The following NSUN6 variants were observed in gnomAD, a reference collection of about 807,000 sequenced individuals.
NSUN6 encodes the protein tRNA (cytosine(72)-C(5))-methyltransferase NSUN6.
Under a neutral mutation model 58.0 loss-of-function variants are expected in NSUN6, and 64 were observed. The observed-to-expected ratio is 1.10, with a 90% CI of 0.90 to 1.36. NSUN6 has a LOEUF of 1.36. Ranked by LOEUF, NSUN6 falls within the 40% of genes most tolerant of loss-of-function variation. NSUN6 has a pLI of 0.00. For synonymous variants in NSUN6, 231 were observed against 193.9 expected (o/e 1.19, Z -1.59); for missense variants, 701 against 550.1 (o/e 1.27, Z -2.74).
chr10:18,553,469 C>CTGGAATGGAGAATGGAA, intron 8 of NSUN6, among the ~76,000 whole-genome samples: 1 of 133,744 alleles, frequency 7.5e-6, no homozygotes, highest in African/African-American at 2.9e-5. Flanking sequence ...GGAGAATGAA[C>CTGGAATGGAGAATGGAA]TGGAATGGAG....
chr10:18,621,250 G>A (rs2058596044), intron 3 of NSUN6, among the ~76,000 whole-genome samples: 1 of 152,148 alleles, frequency 6.6e-6, no homozygotes, highest in African/African-American at 2.4e-5. Flanking sequence ...CAGCACTGGG[G>A]GACTTCCTGT....
intron 8 of NSUN6, among the ~76,000 whole-genome samples, chr10:18,575,274 A>G (rs1174002519): frequency 6.6e-6 from 1 of 152,200 alleles, no homozygotes; most frequent in East Asian, 1.9e-4. Context: ...AAGAAACTAT[A>G]AAAAGATTAC....
rs528646657 is a variant in NSUN6, at chr10:18,555,839, G to C, written c.923-3868C>G. On this transcript the variant is annotated intron_variant, in intron 8 of 10. Coordinates refer to ENST00000377304, the MANE Select transcript of NSUN6 (RefSeq NM_182543.5). The stretch of plus-strand genomic sequence containing the variant: ...ATGGAAAGTGGAATGAAATGGAATG[G>C]AGAAAAATGGAATGGAGAATGGAAT... Among the ~76,000 whole-genome samples the C allele has an allele frequency of 2.0e-5, 3 of 150,666 alleles. No homozygotes were observed. In the South Asian group the frequency reaches 6.3e-4, roughly 32 times the overall value.
intron 6 of NSUN6, among the ~76,000 whole-genome samples, chr10:18,598,313 C>T (rs1472182221): frequency 1.3e-5 from 2 of 152,228 alleles, no homozygotes; most frequent in African/African-American, 4.8e-5. Context: ...ACTCAGCCCG[C>T]CTGCACCCAG....
rs116001489 is a variant in NSUN6 at position 18,619,430 on chromosome 10, A to T, written c.312-3137T>A. Among the ~76,000 whole-genome samples the T allele has an allele frequency of 3.3e-3, 504 of 152,344 alleles. 4 individuals carry two copies. The highest frequency in any genetic ancestry group is 0.011 in the African/African-American group (478 of 41,586). On this transcript the variant is annotated intron_variant, in intron 3 of 10. Transcript: ENST00000377304. ...TGACTACTGGGTATTTCTCACCCTTACTATTAACACTTAATTGTTTAAACC... is the reference window on the plus strand; with the variant it reads ...TGACTACTGGGTATTTCTCACCCTTTCTATTAACACTTAATTGTTTAAACC...
chr10:18,574,850 G>T (rs2056570006), intron 8 of NSUN6, among the ~76,000 whole-genome samples: 2 of 152,110 alleles, frequency 1.3e-5, no homozygotes, highest in Non-Finnish European at 2.9e-5. Context: ...GTTGCCAGAG[G>T]AAACAACTAT....
intron 8 of NSUN6, among the ~76,000 whole-genome samples, chr10:18,562,770 T>C (rs1290618396): frequency 1.4e-5 from 2 of 145,932 alleles, no homozygotes. Flanking sequence ...GACAATGGAA[T>C]GGAATGGATA....
chr10:18,574,893 C>T (rs2056572547), intron 8 of NSUN6, among the ~76,000 whole-genome samples: 1 of 152,096 alleles, frequency 6.6e-6, no homozygotes, highest in Admixed American at 6.6e-5. Context: ...AAAAGCCTTT[C>T]TTTTGAAAGT....
intron 6 of NSUN6, among the ~76,000 whole-genome samples, chr10:18,601,980 A>G (rs1022097259): frequency 6.6e-5 from 10 of 151,112 alleles, no homozygotes; most frequent in African/African-American, 2.4e-4. Flanking sequence ...CTCGGGGGAA[A>G]AAAAAAGGGA....
chr10:18,615,475 A>C (rs2058377405), intron 4 of NSUN6, among the ~76,000 whole-genome samples: 1 of 152,204 alleles, frequency 6.6e-6, no homozygotes, highest in Non-Finnish European at 1.5e-5. Flanking sequence ...TAGCCACATA[A>C]GTTCTCTGTG....
chr10:18,586,799 C>G (rs900844512), intron 7 of NSUN6, among the ~76,000 whole-genome samples: 3 of 152,180 alleles, frequency 2.0e-5, no homozygotes, highest in Non-Finnish European at 4.4e-5. Flanking sequence ...CTCTGGTGGC[C>G]AGCTTTTATT....
chr10:18,624,568 G>A (rs1360471609), intron 3 of NSUN6, among the ~76,000 whole-genome samples: 2 of 140,252 alleles, frequency 1.4e-5, no homozygotes, highest in East Asian at 2.3e-4. Flanking sequence ...GGAGAATGGC[G>A]TAGACCCGGG....
intron 3 of NSUN6, among the ~76,000 whole-genome samples, chr10:18,617,085 G>A (rs892207152): frequency 2.6e-5 from 4 of 151,542 alleles, no homozygotes; most frequent in Admixed American, 6.6e-5. Flanking sequence ...CAAAACATGC[G>A]ACCATCTCTA....
At chr10:18,606,927 G>C (rs778166072) in intron 6 of NSUN6, among the ~76,000 whole-genome samples, 6 of 152,242 alleles carry the variant, frequency 3.9e-5, no homozygotes, top group African/African-American at 7.2e-5. Context: ...CCTATGAAAG[G>C]CTTGGGCATC....
intron 3 of NSUN6, among the ~76,000 whole-genome samples, chr10:18,621,213 G>A (rs981193575): frequency 6.6e-6 from 1 of 152,222 alleles, no homozygotes; most frequent in Non-Finnish European, 1.5e-5. Context: ...TAGGAATCCT[G>A]GCAGTGAGTC....
Position 18,556,687 on chromosome 10 carries a change from C to T in NSUN6, c.923-4716G>A, listed in dbSNP as rs116462198. 7.5e-3 allele frequency among the ~76,000 whole-genome samples: 975 copies of T among 130,466 alleles called. 16 individuals carry two copies. Among genetic ancestry groups the T allele is most frequent in the African/African-American group, 0.026 (945 of 35,902 alleles). 85.6% of individuals were successfully genotyped at this position (130,466 alleles called of 152,430 possible). On this transcript the variant is annotated intron_variant, in intron 8 of 10. Coordinates refer to ENST00000377304, the MANE Select transcript of NSUN6 (RefSeq NM_182543.5). ...TGGAATAGAATGGGGAATTGAAATG[C>T]GAATGGAATGGAAAGGGGAAGGGAA... is the stretch of plus-strand genomic sequence containing the variant.
intron 8 of NSUN6, among the ~76,000 whole-genome samples, chr10:18,556,964 T>A (rs1418739948): frequency 1.5e-5 from 2 of 137,104 alleles, no homozygotes; most frequent in Admixed American, 1.5e-4. Context: ...GAATGGAGAA[T>A]GGAAGGGAAT....
At chr10:18,627,258 C>T (rs1237217733) in intron 3 of NSUN6, among the ~76,000 whole-genome samples, 2 of 152,170 alleles carry the variant, frequency 1.3e-5, no homozygotes, top group Non-Finnish European at 2.9e-5. Context: ...TGATGCATTA[C>T]TGTTAAAATT....
At chr10:18,617,612 G>T (rs1449844323) in intron 3 of NSUN6, among the ~76,000 whole-genome samples, 2 of 152,026 alleles carry the variant, frequency 1.3e-5, no homozygotes, top group Non-Finnish European at 2.9e-5. Flanking sequence ...CCACTCCTTG[G>T]CAGGATCCCA....
Sources: allele counts gnomAD v4.1 joint callset (sites outside exome capture counted in the v4.1 genomes callset), GRCh38; gene constraint gnomAD v4.1.1; transcripts MANE v1.5; gene names NCBI Gene and HGNC (gene_info 2026-07-23, HGNC 2026-07-21).